TACC1: variants seen among roughly 807,000 people sequenced by gnomAD.
TACC1 encodes transforming acidic coiled-coil containing protein 1, also known as transforming acidic coiled-coil-containing protein 1.
TACC1 carries 48 observed loss-of-function variants against 84.4 expected under a neutral mutation model. The ratio of observed to expected loss-of-function variants is 0.57; its 90% CI spans 0.45 to 0.72. The LOEUF (loss-of-function observed/expected upper bound fraction) is 0.72. Ranked by LOEUF, TACC1 falls within the 30% of genes least tolerant of loss-of-function variation. The probability of loss-of-function intolerance (pLI) is 0.00; values close to 1 mark genes in which losing one functional copy is unlikely to be tolerated. For synonymous variants in TACC1, 372 were observed against 376.3 expected (o/e 0.99, Z 0.13); for missense variants, 920 against 973.0 (o/e 0.95, Z 0.72).
chr8:38,763,853 G>A (rs562254955), intron 3 of TACC1, among the ~76,000 whole-genome samples: 2 of 151,802 alleles, frequency 1.3e-5, no homozygotes, highest in South Asian at 4.2e-4. Context: ...TATCATTTTT[G>A]CTCATATAAA....
intron 12 of TACC1, among the ~76,000 whole-genome samples, chr8:38,847,484 T>C (rs923105500): frequency 1.3e-5 from 2 of 152,258 alleles, no homozygotes; most frequent in East Asian, 1.9e-4. Context: ...GTATTTTCTT[T>C]ACTGCATTTC....
intron 2 of TACC1, among the ~76,000 whole-genome samples, chr8:38,808,337 G>A (rs1415856728): frequency 6.6e-6 from 1 of 152,242 alleles, no homozygotes; most frequent in Non-Finnish European, 1.5e-5. Flanking sequence ...GGGACCTGGA[G>A]CCTACTGAGG....
chr8:38,728,746 C>G (rs1360710519), intron 1 of TACC1: 1 of 152,254 alleles, frequency 6.6e-6, no homozygotes, highest in Non-Finnish European at 1.5e-5. Context: ...GTCCTTTAAG[C>G]CTGGGGCTGA....
intron 2 of TACC1, among the ~76,000 whole-genome samples, chr8:38,804,391 C>A (rs1822155856): frequency 6.6e-6 from 1 of 152,096 alleles, no homozygotes; most frequent in African/African-American, 2.4e-5. Context: ...CCTCCGCCTC[C>A]CGGGTTCAAG....
intron 2 of TACC1, among the ~76,000 whole-genome samples, chr8:38,819,216 C>T (rs1263836278): frequency 1.3e-5 from 2 of 152,226 alleles, no homozygotes; most frequent in Non-Finnish European, 2.9e-5. Context: ...GTTAACATCA[C>T]ATAATAATAC....
At chr8:38,762,301 G>A (rs1042746628) in intron 3 of TACC1, among the ~76,000 whole-genome samples, 1 of 151,716 alleles carries the variant, frequency 6.6e-6, no homozygotes, top group Non-Finnish European at 1.5e-5. Flanking sequence ...CCCAGCCCCC[G>A]GCACCCACCA....
chr8:38,771,455 C>T (rs11776867), intron 3 of TACC1, among the ~76,000 whole-genome samples: 30,320 of 152,040 alleles, frequency 0.2, 3,570 homozygotes, highest in Non-Finnish European at 0.27. Flanking sequence ...GAATAGCAAA[C>T]GATGTTCAGT....
chr8:38,805,116 C>T (rs945233514), intron 2 of TACC1, among the ~76,000 whole-genome samples: 1 of 152,168 alleles, frequency 6.6e-6, no homozygotes, highest in African/African-American at 2.4e-5. Context: ...CCATTTGTTC[C>T]TGGCTAGCAT....
intron 2 of TACC1, among the ~76,000 whole-genome samples, chr8:38,800,863 A>G (rs2152072136): frequency 6.6e-6 from 1 of 152,328 alleles, no homozygotes; most frequent in South Asian, 2.1e-4. Context: ...CATTTCTGCC[A>G]GTAGTATTTG....
chr8:38,820,345 T>C lies in TACC1; in HGVS notation c.1101T>C (p.Pro367=), dbSNP rs1472433706. 6.2e-7 allele frequency: 1 copy of C among 1,614,092 alleles called. No individual in the cohort carries two copies. The highest frequency in any genetic ancestry group is 1.7e-5 in the Admixed American group (1 of 60,016). The change falls in exon 3 of 13, where the codon CCT becomes CCC. Residue 367 remains proline (P), a synonymous_variant. Coordinates refer to ENST00000317827, the MANE Select transcript of TACC1 (RefSeq NM_006283.3). The part of the protein sequence containing the change: ...GISKSAGLEQ[P]TDPVARDGPL... ...GTAAGTCAGCAGGTTTAGAACAGCC[T>C]ACAGACCCAGTGGCACGAGACGGGC...
chr8:38,767,892 C>G (rs1812550840), intron 3 of TACC1, among the ~76,000 whole-genome samples: 1 of 152,138 alleles, frequency 6.6e-6, no homozygotes, highest in Non-Finnish European at 1.5e-5. Context: ...TAGCAAGACT[C>G]TATCTGTACA....
chr8:38,783,585 CT>C (rs1384655572), upstream of TACC1, among the ~76,000 whole-genome samples: 10 of 152,064 alleles, frequency 6.6e-5, no homozygotes, highest in African/African-American at 2.2e-4. Context: ...CCACACCTGG[CT>C]ATTTTTATAT....
intron 3 of TACC1, among the ~76,000 whole-genome samples, chr8:38,758,357 A>G (rs1810518959): frequency 6.6e-6 from 1 of 152,182 alleles, no homozygotes; most frequent in African/African-American, 2.4e-5. Context: ...TCACAAATAT[A>G]AACTTACTTC....
chr8:38,775,326 A>C, intron 3 of TACC1, among the ~76,000 whole-genome samples: 1 of 152,164 alleles, frequency 6.6e-6, no homozygotes, highest in East Asian at 1.9e-4. Context: ...TTCCAGCTAA[A>C]AATTTCTGTG....
chr8:38,810,417 A>G (rs1386671407), intron 2 of TACC1, among the ~76,000 whole-genome samples: 2 of 152,072 alleles, frequency 1.3e-5, no homozygotes, highest in African/African-American at 2.4e-5. Flanking sequence ...CGTGGACAAC[A>G]TAATAAGACC....
Position 38,825,298 on chromosome 8 carries a change from C to G in TACC1, c.1392-10C>G, listed in dbSNP as rs747659539. On this transcript the variant is annotated splice_polypyrimidine_tract_variant and intron_variant, in intron 3 of 12. Coordinates refer to ENST00000317827, the MANE Select transcript of TACC1 (RefSeq NM_006283.3). ...GCAAACTGGCTTGTTTGTGTTTCTT[C>G]TCTTTCCAGGAGTGGCTGTAAGGTG... is the stretch of plus-strand genomic sequence containing the variant. The G allele has an allele frequency of 6.2e-7, 1 of 1,614,124 alleles. No individual in the cohort carries two copies.
intron 3 of TACC1, among the ~76,000 whole-genome samples, chr8:38,823,541 C>T (rs918858739): frequency 6.6e-6 from 1 of 152,152 alleles, no homozygotes; most frequent in Admixed American, 6.5e-5. Context: ...ACTTTATATT[C>T]GGCAGCAAGA....
intron 2 of TACC1, among the ~76,000 whole-genome samples, chr8:38,818,556 G>T (rs578090711): frequency 1.6e-4 from 25 of 152,202 alleles, no homozygotes; most frequent in African/African-American, 5.3e-4. Context: ...AGAGACAGAG[G>T]TTCTAAAGAA....
intron 1 of TACC1, among the ~76,000 whole-genome samples, chr8:38,729,003 T>G (rs1804380906): frequency 6.6e-6 from 1 of 152,184 alleles, no homozygotes; most frequent in African/African-American, 2.4e-5. Context: ...TTCTTTTCCC[T>G]TTGCTTCTCT....
Sources: allele counts gnomAD v4.1 joint callset (sites outside exome capture counted in the v4.1 genomes callset), GRCh38; gene constraint gnomAD v4.1.1; transcripts MANE v1.5; gene names NCBI Gene and HGNC (gene_info 2026-07-23, HGNC 2026-07-21).